Variants in GSE1 observed in about 807,000 individuals in gnomAD.
GSE1 encodes genetic suppressor element 1.
GSE1 carries 32 observed loss-of-function variants against 112.6 expected under a neutral mutation model. That is an observed-to-expected ratio of 0.28 (90% CI 0.21 to 0.38). GSE1 has a LOEUF of 0.38. GSE1 is among the 10% of genes least tolerant of loss of function. The pLI, the probability that GSE1 is intolerant of heterozygous loss-of-function variation, is 1.00. For missense variants in GSE1, 2,348 were observed against 1,699.2 expected (o/e 1.38, Z -6.71); for synonymous variants, 1,115 against 735.6 (o/e 1.52, Z -8.35).
At chr16:85,645,639 G>A (rs1228396170) in intron 2 of GSE1, among the ~76,000 whole-genome samples, 7 of 152,236 alleles carry the variant, frequency 4.6e-5, no homozygotes, top group Admixed American at 3.9e-4. Context: ...CCCCCTGTGA[G>A]CAGCAGTTTT....
At chr16:85,451,124 C>T (rs11642598) in intron 2 of GSE1, among the ~76,000 whole-genome samples, 144,880 of 148,004 alleles carry the variant, frequency 0.98, 71,014 homozygotes, top group East Asian at 1. Context: ...ATATAGCTTA[C>T]GCACAAGAGC....
At chr16:85,319,141 T>C (rs2046046224) in intron 1 of GSE1, among the ~76,000 whole-genome samples, 1 of 152,114 alleles carries the variant, frequency 6.6e-6, no homozygotes. Flanking sequence ...CCTCCTCTTC[T>C]CTCTTGACAT....
intron 2 of GSE1, among the ~76,000 whole-genome samples, chr16:85,528,732 G>C (rs532578446): frequency 7.9e-4 from 121 of 152,226 alleles, no homozygotes; most frequent in African/African-American, 2.7e-3. Flanking sequence ...GCAGAGCACA[G>C]AAGAAACCAA....
At chr16:85,448,720 C>T (rs1218842854) in intron 2 of GSE1, among the ~76,000 whole-genome samples, 3 of 152,236 alleles carry the variant, frequency 2.0e-5, no homozygotes, top group Non-Finnish European at 4.4e-5. Flanking sequence ...ACTGGCAGCC[C>T]GCCCCACGCC....
At chr16:85,554,874 ACT>A, upstream of GSE1, 2 of 985,094 alleles carry the variant, frequency 2.0e-6, no homozygotes, top group Non-Finnish European at 2.4e-6. Context: ...GCAGCCGCCC[ACT>A]GTTTGCAAAC....
intron 1 of GSE1, among the ~76,000 whole-genome samples, chr16:85,253,171 G>A (rs1482527825): frequency 6.6e-6 from 1 of 151,056 alleles, no homozygotes; most frequent in Non-Finnish European, 1.5e-5. Flanking sequence ...AGCTGCCCAC[G>A]GGAGGAGGCA....
Position 85,666,175 on chromosome 16 carries a change from G to T in GSE1, c.2958G>T (p.Leu986=). 1 of 1,613,534 alleles carries T rather than the reference G, an allele frequency of 6.2e-7. No individual in the cohort carries two copies. Among genetic ancestry groups the T allele is most frequent in the South Asian group, 1.1e-5 (1 of 91,088 alleles). ...AGGCCCCTGGAGGCAAAAAGAGTCT[G>T]AGCATGCTTCACTATATCCGGGGCG... The part of the protein sequence containing the change: ...LSEAPGGKKS[L]SMLHYIRGAA... Residue 986 remains leucine, a synonymous_variant, in exon 13 of 16, where the codon CTG becomes CTT. Transcript: ENST00000253458.
At chr16:85,449,041 G>A (rs2049593802) in intron 2 of GSE1, among the ~76,000 whole-genome samples, 1 of 152,120 alleles carries the variant, frequency 6.6e-6, no homozygotes, top group Non-Finnish European at 1.5e-5. Context: ...TCTGTCAAAG[G>A]CAGGTGGCCG....
intron 2 of GSE1, among the ~76,000 whole-genome samples, chr16:85,491,076 G>A (rs183409950): frequency 6.6e-5 from 10 of 152,296 alleles, no homozygotes; most frequent in African/African-American, 1.7e-4. Flanking sequence ...TGCAGGCGCC[G>A]GGGGAGGGGT....
intron 1 of GSE1, among the ~76,000 whole-genome samples, chr16:85,312,764 AAGGAGAGGAGG>A (rs1405545468): frequency 1.3e-5 from 2 of 150,170 alleles, no homozygotes; most frequent in South Asian, 2.1e-4. Context: ...GAGGGGGAGG[AAGGAGAGGAGG>A]AGGAGAGGAG....
At chr16:85,519,154 C>A (rs2052052777) in intron 2 of GSE1, among the ~76,000 whole-genome samples, 1 of 152,022 alleles carries the variant, frequency 6.6e-6, no homozygotes, top group Non-Finnish European at 1.5e-5. Context: ...AGTGTGGGAC[C>A]ACTTAGGTTC....
At chr16:85,450,250 C>A (rs985035572) in intron 2 of GSE1, among the ~76,000 whole-genome samples, 1 of 148,578 alleles carries the variant, frequency 6.7e-6, no homozygotes, top group African/African-American at 2.5e-5. Context: ...TCCCAAGTAG[C>A]TGGGATTACA....
chr16:85,578,661 G>T lies in GSE1; in HGVS notation c.37+22298G>T, dbSNP rs527369624. 9.1e-4 allele frequency among the ~76,000 whole-genome samples: 139 copies of T among 152,286 alleles called. 1 individual carries two copies. The highest frequency in any genetic ancestry group is 3.2e-3 in the African/African-American group (134 of 41,554). ...CAGAACAGCAGGCCAAGTGTCCCCC[G>T]AATCAGGCAGCTTCCCTGCTGGAAA... On this transcript the variant is annotated intron_variant, in intron 1 of 2. Coordinates refer to the GSE1 transcript ENST00000635906.
intron 1 of GSE1, among the ~76,000 whole-genome samples, chr16:85,283,899 C>G (rs1162307056): frequency 1.3e-5 from 2 of 152,218 alleles, no homozygotes; most frequent in African/African-American, 4.8e-5. Context: ...CCGTCTGGCT[C>G]CAGCATCCAT....
chr16:85,642,267 C>T (rs2050506447), intron 2 of GSE1, among the ~76,000 whole-genome samples: 1 of 152,260 alleles, frequency 6.6e-6, no homozygotes. Flanking sequence ...GGCATGATCA[C>T]ACTGCTGCAC....
chr16:85,500,533 A>G (rs182866331), intron 2 of GSE1, among the ~76,000 whole-genome samples: 1 of 152,358 alleles, frequency 6.6e-6, no homozygotes, highest in East Asian at 1.9e-4. Context: ...GGAACTGCGC[A>G]CCAAGGGTCT....
chr16:85,367,785 G>C (rs528287345), intron 2 of GSE1, among the ~76,000 whole-genome samples: 1 of 151,866 alleles, frequency 6.6e-6, no homozygotes, highest in Non-Finnish European at 1.5e-5. Context: ...GAGCTTTTTA[G>C]TCAGCTGTTG....
rs144514548 is a variant in GSE1 at position 85,287,826 on chromosome 16, C to T, written c.2284-69637C>T. On this transcript the variant is annotated intron_variant, in intron 1 of 2. Coordinates refer to the GSE1 transcript ENST00000637419. ...CACCCCTGCTGAAGCCTAAAGGAGC[C>T]GCAGGAGCTCCATGGCTGGTCTGTT... is the stretch of plus-strand genomic sequence containing the variant. Among the ~76,000 whole-genome samples the T allele has an allele frequency of 1.8e-3, 277 of 152,240 alleles. 4 individuals are homozygous for T. The highest frequency in any genetic ancestry group is 6.4e-3 in the African/African-American group (267 of 41,532).
intron 1 of GSE1, among the ~76,000 whole-genome samples, chr16:85,337,460 C>T (rs13331032): frequency 0.15 from 23,057 of 150,766 alleles, 1,433 homozygotes; most frequent in East Asian, 0.32. Flanking sequence ...CGCCCGCCAC[C>T]ACGCCCGGCT....
Sources: allele counts gnomAD v4.1 joint callset (sites outside exome capture counted in the v4.1 genomes callset), GRCh38; gene constraint gnomAD v4.1.1; transcripts MANE v1.5; gene names NCBI Gene and HGNC (gene_info 2026-07-23, HGNC 2026-07-21).